ANKRD30A: variants seen among roughly 807,000 people sequenced by gnomAD.
ANKRD30A encodes the protein ankyrin repeat domain-containing protein 30A.
ANKRD30A carries 170 observed loss-of-function variants against 166.3 expected under a neutral mutation model. That is an observed-to-expected ratio of 1.02 (90% CI 0.90 to 1.16). ANKRD30A has a LOEUF of 1.16. ANKRD30A is among the 50% of genes most tolerant of loss of function. The pLI, the probability that ANKRD30A is intolerant of heterozygous loss-of-function variation, is 0.00. For synonymous variants in ANKRD30A, 564 were observed against 508.9 expected (o/e 1.11, Z -1.46); for missense variants, 1,630 against 1,518.0 (o/e 1.07, Z -1.23).
intron 13 of ANKRD30A, among the ~76,000 whole-genome samples, chr10:37,154,963 A>G (rs552794128): frequency 3.6e-4 from 55 of 152,330 alleles, no homozygotes; most frequent in African/African-American, 1.2e-3. Flanking sequence ...CACAATTTGA[A>G]TAAGATATAC....
At chr10:37,151,498 C>G (rs191328697) in intron 11 of ANKRD30A, among the ~76,000 whole-genome samples, 5 of 152,158 alleles carry the variant, frequency 3.3e-5, no homozygotes, top group Admixed American at 3.3e-4. Flanking sequence ...TTAAGCTTAT[C>G]TTCCTAAAAC....
At position 37,193,092 on chromosome 10, in the gene ANKRD30A, G is replaced by A. The variant is rs180671960; in HGVS notation, c.2541G>A (p.Lys847=). 44 of 1,606,290 alleles carry A rather than the reference G, an allele frequency of 2.7e-5. No homozygotes were observed. In the Admixed American group the frequency reaches 3.2e-4, roughly 12 times the overall value. The change falls in exon 26 of 36, where the codon AAG becomes AAA. Residue 847 remains lysine, a splice_region_variant and synonymous_variant. Coordinates refer to ENST00000361713, the MANE Select transcript of ANKRD30A (RefSeq NM_052997.3). The part of the protein sequence containing the change: ...EESPDNDGFL[K]APCRMKVSIP... Reference sequence around the variant, plus strand: ...CTCCTGATAATGATGGTTTTCTGAAGGTAATAACTTTTATATTTTTATCTT... The same window carrying A: ...CTCCTGATAATGATGGTTTTCTGAAAGTAATAACTTTTATATTTTTATCTT...
intron 31 of ANKRD30A, among the ~76,000 whole-genome samples, chr10:37,202,044 G>C (rs1841658763): frequency 6.6e-6 from 1 of 152,024 alleles, no homozygotes; most frequent in African/African-American, 2.4e-5. Flanking sequence ...TGCTGATGCT[G>C]GTGGTCCTTG....
chr10:37,136,811 GTA>G (rs1214309786), intron 6 of ANKRD30A, 140 bp downstream of exon 6: 19 of 327,582 alleles, frequency 5.8e-5, no homozygotes, highest in African/African-American at 1.4e-4. Context: ...GTGGGTGTGT[GTA>G]TGTGTGTGTG....
intron 12 of ANKRD30A, among the ~76,000 whole-genome samples, chr10:37,152,402 A>T (rs17605975): frequency 6.6e-6 from 1 of 152,100 alleles, no homozygotes; most frequent in Non-Finnish European, 1.5e-5. Flanking sequence ...TCTGAAGTAC[A>T]TTTGTCTAAA....
chr10:37,133,921 C>A lies in ANKRD30A; in HGVS notation c.623C>A (p.Ala208Asp). ...ANAVNKYKCT[A>D]LMLAVCHGSS... ...TTATCTCTTTGTTATTTTAGCACAG[C>A]CCTCATGCTTGCTGTATGTCATGGA... Residue 208 changes from alanine (A) to aspartate (D), a missense_variant, in exon 5 of 36, where the codon GCC becomes GAC. Physicochemically the swap from Ala to Asp is moderately radical, Grantham distance 126. This residue lies in a region of ANKRD30A where 904 missense variants were observed against 818.5 expected (regional missense o/e 1.10). Transcript: ENST00000361713. 6.2e-7 allele frequency: 1 copy of A among 1,613,858 alleles called. No homozygotes were observed. The highest frequency in any genetic ancestry group is 2.2e-5 in the East Asian group (1 of 44,854).
chr10:37,143,502 A>G (rs997671706), intron 7 of ANKRD30A, among the ~76,000 whole-genome samples: 15 of 152,126 alleles, frequency 9.9e-5, no homozygotes, highest in African/African-American at 1.2e-4. Flanking sequence ...AAAAATACAG[A>G]AAGTAGCCAG....
chr10:37,225,621 T>TA (rs760993240), intron 34 of ANKRD30A, among the ~76,000 whole-genome samples: 1 of 151,800 alleles, frequency 6.6e-6, no homozygotes, highest in Non-Finnish European at 1.5e-5. Flanking sequence ...AAGAGATTTT[T>TA]AAAAAAATTT....
Position 37,152,074 on chromosome 10 carries a change from C to T in ANKRD30A, c.1660C>T (p.Pro554Ser), listed in dbSNP as rs767239968. ...ACCTTTTATAGATCCGATGTTCCCA[C>T]CAGAATCCAAACAAAAGGACTATGA... ...QTLRADPMFPPESKQKDYEEN... is the reference protein window; with the variant it reads ...QTLRADPMFPSESKQKDYEEN... Residue 554 changes from proline (P) to serine (S), a missense_variant, in exon 12 of 36, where the codon CCA becomes TCA. Transcript: ENST00000361713. 1.9e-5 allele frequency: 30 copies of T among 1,609,188 alleles called. 1 individual carries two copies. Among genetic ancestry groups the T allele is most frequent in the African/African-American group, 1.3e-5 (1 of 74,702 alleles).
chr10:37,192,960 C>T (rs914600578), intron 25 of ANKRD30A, 104 bp from the exon 26 acceptor site: 7 of 1,476,346 alleles, frequency 4.7e-6, no homozygotes, highest in African/African-American at 2.8e-5. Context: ...ATCCCTTTTG[C>T]AATCCAAGCA....
At chr10:37,263,270 C>CT in the ANKRD30A span, among the ~76,000 whole-genome samples, 1 of 151,508 alleles carries the variant, frequency 6.6e-6, no homozygotes, top group Non-Finnish European at 1.5e-5. Flanking sequence ...CAGTCCCCAA[C>CT]TTTTTTGGCA....
chr10:37,137,637 A>C (rs1389916744), intron 6 of ANKRD30A, among the ~76,000 whole-genome samples: 1 of 152,158 alleles, frequency 6.6e-6, no homozygotes. Context: ...CTAGCACAGC[A>C]GTCTGAGATC....
chr10:37,152,474 T>A (rs17605989), intron 12 of ANKRD30A, among the ~76,000 whole-genome samples: 3 of 152,146 alleles, frequency 2.0e-5, no homozygotes, highest in Non-Finnish European at 4.4e-5. Context: ...TACATCTAGA[T>A]GTACAAAAGT....
intron 32 of ANKRD30A, 123 bp downstream of exon 32, chr10:37,216,517 G>A (rs117433012): frequency 0.043 from 38,616 of 906,312 alleles, 1,009 homozygotes; most frequent in Non-Finnish European, 0.051. Context: ...CTGTCTTGTA[G>A]AGTGTCAAAT....
chr10:37,135,010 G>A (rs1217266818), intron 5 of ANKRD30A, among the ~76,000 whole-genome samples: 2 of 152,108 alleles, frequency 1.3e-5, no homozygotes, highest in Non-Finnish European at 2.9e-5. Context: ...CAAATTTGTA[G>A]TGGGTTCCAA....
chr10:37,238,283 C>T, the ANKRD30A span, among the ~76,000 whole-genome samples: 1 of 152,254 alleles, frequency 6.6e-6, no homozygotes, highest in East Asian at 1.9e-4. Flanking sequence ...AGGGAGAGGC[C>T]ACTTCAGCAC....
the ANKRD30A span, chr10:37,248,384 C>T: frequency 3.2e-6 from 1 of 317,086 alleles, no homozygotes; most frequent in East Asian, 7.4e-5. Flanking sequence ...TCCCAGCACA[C>T]ACAGCAAGCC....
intron 31 of ANKRD30A, among the ~76,000 whole-genome samples, chr10:37,202,671 A>G (rs1841719590): frequency 6.6e-6 from 1 of 152,328 alleles, no homozygotes; most frequent in Admixed American, 6.5e-5. Flanking sequence ...GACACAAAAA[A>G]TCCTTCAAAA....
chr10:37,140,338 CTT>C (rs1564475021), intron 6 of ANKRD30A, among the ~76,000 whole-genome samples: 1 of 152,162 alleles, frequency 6.6e-6, no homozygotes, highest in Non-Finnish European at 1.5e-5. Context: ...AATTTGAAAA[CTT>C]AATAATGCTT....
Sources: gnomAD v4.1 joint callset for allele counts (sites outside exome capture counted in the v4.1 genomes callset) on GRCh38, gnomAD v4.1.1 for gene constraint, gnomAD v4.1.1 regional missense constraint, MANE v1.5 for transcripts, NCBI Gene and HGNC (gene_info 2026-07-23, HGNC 2026-07-21) for gene names.